Variants in KIAA1217 observed in about 807,000 individuals in gnomAD.
KIAA1217 encodes KIAA1217.
Under a neutral mutation model 163.9 loss-of-function variants are expected in KIAA1217, and 88 were observed. That is an observed-to-expected ratio of 0.54 (90% confidence interval 0.45 to 0.64). KIAA1217 has a LOEUF of 0.64. Ranked by LOEUF, KIAA1217 falls within the 30% of genes least tolerant of loss-of-function variation. KIAA1217 has a pLI of 0.00. For synonymous variants in KIAA1217, 903 were observed against 923.1 expected, an observed-to-expected ratio of 0.98 and a Z score of 0.39; for missense variants, 2,372 against 2,475.0, an observed-to-expected ratio of 0.96 and a Z score of 0.88.
intron 1 of KIAA1217, among the ~76,000 whole-genome samples, chr10:24,001,579 T>C (rs1049078581): frequency 1.3e-5 from 2 of 152,224 alleles, no homozygotes; most frequent in African/African-American, 4.8e-5. Flanking sequence ...GGCATGTGTG[T>C]ATTTTTATTA....
At chr10:24,059,156 T>C (rs2060628907) in intron 2 of KIAA1217, among the ~76,000 whole-genome samples, 1 of 152,224 alleles carries the variant, frequency 6.6e-6, no homozygotes, top group African/African-American at 2.4e-5. Context: ...TAGCCTTCAT[T>C]CTGCTGATGT....
At chr10:23,779,347 C>T (rs764760862) in intron 1 of KIAA1217, among the ~76,000 whole-genome samples, 25 of 152,170 alleles carry the variant, frequency 1.6e-4, no homozygotes, top group Admixed American at 1.2e-3. Flanking sequence ...CTTTCTTCAT[C>T]GTCTCCCTTT....
At chr10:24,181,851 T>C (rs2131951705) in intron 2 of KIAA1217, among the ~76,000 whole-genome samples, 1 of 152,300 alleles carries the variant, frequency 6.6e-6, no homozygotes, top group Non-Finnish European at 1.5e-5. Flanking sequence ...CATATAACAC[T>C]GAGGACCAGG....
At chr10:24,345,896 G>A (rs1300145419) in intron 2 of KIAA1217, among the ~76,000 whole-genome samples, 1 of 152,126 alleles carries the variant, frequency 6.6e-6, no homozygotes, top group East Asian at 1.9e-4. Flanking sequence ...ACATTGTTAT[G>A]CAACCAATCT....
intron 1 of KIAA1217, among the ~76,000 whole-genome samples, chr10:23,948,065 C>T (rs1204145148): frequency 1.3e-5 from 2 of 152,190 alleles, no homozygotes; most frequent in Admixed American, 6.5e-5. Flanking sequence ...TTAGCTATTG[C>T]CAATTTGTTT....
intron 1 of KIAA1217, among the ~76,000 whole-genome samples, chr10:23,696,216 A>G (rs1335504679): frequency 6.6e-6 from 1 of 152,180 alleles, no homozygotes; most frequent in African/African-American, 2.4e-5. Flanking sequence ...AAGTTCTTGG[A>G]ATCTGCCCTC....
chr10:23,713,662 T>G (rs1837395628), intron 1 of KIAA1217, among the ~76,000 whole-genome samples: 1 of 152,196 alleles, frequency 6.6e-6, no homozygotes, highest in Non-Finnish European at 1.5e-5. Flanking sequence ...ATTAATATCA[T>G]TATTAGCTAT....
rs180937462 is a variant in KIAA1217, at chr10:24,322,989, C to T, written c.355-57880C>T. Reference sequence around the variant, plus strand: ...GACAAAGTCTCACTCTACTGGCTACCGGCTAGGCTAGAGTGCAGTGCCACA... The same window carrying T: ...GACAAAGTCTCACTCTACTGGCTACTGGCTAGGCTAGAGTGCAGTGCCACA... On this transcript the variant is annotated intron_variant, in intron 2 of 20. Transcript: ENST00000376454. 2.8e-3 allele frequency among the ~76,000 whole-genome samples: 419 copies of T among 152,144 alleles called. 1 individual carries two copies. Among genetic ancestry groups the T allele is most frequent in the African/African-American group, 9.5e-3 (394 of 41,506 alleles).
At chr10:23,855,344 C>T (rs1839595978) in intron 1 of KIAA1217, among the ~76,000 whole-genome samples, 1 of 152,190 alleles carries the variant, frequency 6.6e-6, no homozygotes. Context: ...ATATTGGCCC[C>T]TACTCTCTTC....
intron 1 of KIAA1217, among the ~76,000 whole-genome samples, chr10:23,718,865 A>G (rs902942733): frequency 1.4e-5 from 2 of 143,412 alleles, no homozygotes; most frequent in Middle Eastern, 3.5e-3. Context: ...AGAGAGAGAG[A>G]AGAGAGAGAG....
intron 2 of KIAA1217, among the ~76,000 whole-genome samples, chr10:24,368,011 T>A (rs1374491994): frequency 6.6e-6 from 1 of 152,222 alleles, no homozygotes; most frequent in Non-Finnish European, 1.5e-5. Flanking sequence ...TAATAATCAG[T>A]CTCATTGATC....
At chr10:23,727,207 G>A (rs558793171) in intron 1 of KIAA1217, among the ~76,000 whole-genome samples, 2 of 151,654 alleles carry the variant, frequency 1.3e-5, no homozygotes, top group South Asian at 4.2e-4. Context: ...TAGTCAGGAA[G>A]GTCTCGATCT....
chr10:24,443,492 T>C (rs1283858105), intron 5 of KIAA1217, among the ~76,000 whole-genome samples: 1 of 152,132 alleles, frequency 6.6e-6, no homozygotes, highest in Non-Finnish European at 1.5e-5. Context: ...ATATCTGCCT[T>C]TCAAAATTCT....
chr10:24,470,458 C>T (rs542760150), intron 5 of KIAA1217, among the ~76,000 whole-genome samples: 15 of 152,184 alleles, frequency 9.9e-5, no homozygotes, highest in East Asian at 5.8e-4. Flanking sequence ...GCAGAGCAGA[C>T]GCACCTGGAG....
intron 2 of KIAA1217, among the ~76,000 whole-genome samples, chr10:24,131,936 G>A (rs913634981): frequency 2.0e-5 from 3 of 152,072 alleles, no homozygotes; most frequent in Non-Finnish European, 4.4e-5. Flanking sequence ...CAATCTCCAC[G>A]TTTCAGTGAC....
At chr10:24,120,960 T>C (rs1188234036) in intron 2 of KIAA1217, among the ~76,000 whole-genome samples, 1 of 152,204 alleles carries the variant, frequency 6.6e-6, no homozygotes, top group Non-Finnish European at 1.5e-5. Flanking sequence ...TCTGTGACAC[T>C]TATCACATTA....
intron 2 of KIAA1217, among the ~76,000 whole-genome samples, chr10:24,277,323 C>A (rs577795533): frequency 1.3e-5 from 2 of 152,316 alleles, no homozygotes; most frequent in South Asian, 4.1e-4. Context: ...GTGGTTCCCA[C>A]TCAAAGTGGA....
intron 2 of KIAA1217, among the ~76,000 whole-genome samples, chr10:24,153,160 C>T (rs1222997338): frequency 2.0e-5 from 3 of 152,188 alleles, no homozygotes; most frequent in African/African-American, 7.2e-5. Context: ...GTCTGTTTCG[C>T]TCCTGGGTTG....
chr10:24,083,188 G>A (rs2061592281), intron 2 of KIAA1217, among the ~76,000 whole-genome samples: 2 of 152,144 alleles, frequency 1.3e-5, no homozygotes, highest in African/African-American at 4.8e-5. Flanking sequence ...TTTTGTAGAG[G>A]AGCAGGATGG....
Sources: gnomAD v4.1 joint callset for allele counts (sites outside exome capture counted in the v4.1 genomes callset) on GRCh38, gnomAD v4.1.1 for gene constraint, MANE v1.5 for transcripts, NCBI Gene and HGNC (gene_info 2026-07-23, HGNC 2026-07-21) for gene names.